The following ARHGAP24 variants were observed in gnomAD, a reference collection of about 807,000 sequenced individuals.
ARHGAP24 encodes Rho GTPase activating protein 24.
Under a neutral mutation model 76.4 loss-of-function variants are expected in ARHGAP24, and 50 were observed. The observed-to-expected ratio is 0.65, with a 90% CI of 0.52 to 0.83. The LOEUF (loss-of-function observed/expected upper bound fraction) is 0.83, where lower values mean the gene tolerates loss of function less well. Ranked by LOEUF, ARHGAP24 falls within the 40% of genes least tolerant of loss-of-function variation. ARHGAP24 has a pLI of 0.00. For synonymous variants in ARHGAP24, 345 were observed against 323.3 expected (o/e 1.07, Z -0.72); for missense variants, 930 against 914.2 (o/e 1.02, Z -0.22).
At chr4:85,657,443 T>G (rs1351183626) in intron 2 of ARHGAP24, among the ~76,000 whole-genome samples, 5 of 152,118 alleles carry the variant, frequency 3.3e-5, no homozygotes, top group African/African-American at 1.2e-4. Context: ...AGAGAAAAAT[T>G]TTCTTCCTCT....
At chr4:85,643,566 T>C (rs1394490850) in intron 2 of ARHGAP24, among the ~76,000 whole-genome samples, 10 of 152,050 alleles carry the variant, frequency 6.6e-5, no homozygotes, top group Non-Finnish European at 1.0e-4. Flanking sequence ...CCTTTTTTTG[T>C]GTTTTGTTCA....
chr4:85,931,990 CA>C (rs148282724), intron 4 of ARHGAP24, among the ~76,000 whole-genome samples: 4 of 148,810 alleles, frequency 2.7e-5, no homozygotes, highest in South Asian at 2.1e-4. Context: ...TAGTAACTAA[CA>C]AAAAAAAATA....
chr4:85,788,535 T>C (rs4693739), intron 3 of ARHGAP24, among the ~76,000 whole-genome samples: 47,901 of 152,062 alleles, frequency 0.32, 8,892 homozygotes, highest in East Asian at 0.62. Context: ...GTCTTGACCA[T>C]AGAGGTGAGA....
At chr4:85,554,257 G>A (rs1050362994) in intron 1 of ARHGAP24, among the ~76,000 whole-genome samples, 5 of 152,070 alleles carry the variant, frequency 3.3e-5, no homozygotes, top group East Asian at 1.9e-4. Flanking sequence ...ATTTTGACCT[G>A]GGAGACTCTG....
At chr4:85,995,774 G>C in intron 9 of ARHGAP24, 117 bp downstream of exon 9, 3 of 1,019,282 alleles carry the variant, frequency 2.9e-6, no homozygotes, top group South Asian at 1.4e-5. Flanking sequence ...ACACAAGTTT[G>C]CTCCATCATT....
chr4:85,961,181 G>T (rs1360590207), intron 5 of ARHGAP24, among the ~76,000 whole-genome samples: 1 of 151,890 alleles, frequency 6.6e-6, no homozygotes, highest in African/African-American at 2.4e-5. Flanking sequence ...GACACAACTG[G>T]ATTCTTTTAA....
At chr4:85,548,022 G>T (rs1298865274) in intron 1 of ARHGAP24, among the ~76,000 whole-genome samples, 1 of 151,746 alleles carries the variant, frequency 6.6e-6, no homozygotes, top group African/African-American at 2.4e-5. Context: ...ATGTATTCTT[G>T]TTTTATTCTA....
At chr4:85,991,027 A>C (rs1740288058) in intron 8 of ARHGAP24, 1 of 152,066 alleles carries the variant, frequency 6.6e-6, no homozygotes, top group Non-Finnish European at 1.5e-5. Flanking sequence ...TGTTTTAAGA[A>C]TATGTAAAGA....
intron 3 of ARHGAP24, among the ~76,000 whole-genome samples, chr4:85,882,570 G>A (rs1733320916): frequency 1.3e-5 from 2 of 152,214 alleles, no homozygotes; most frequent in African/African-American, 2.4e-5. Flanking sequence ...AGGAGCATGG[G>A]CACAATAAGC....
In ARHGAP24 at chr4:85,785,925, G is replaced by T. The variant is rs144700515; in HGVS notation, c.268+63953G>T. Among the ~76,000 whole-genome samples, 627 of 152,128 alleles carry T rather than the reference G, an allele frequency of 4.1e-3. 5 individuals are homozygous for T. The highest frequency in any genetic ancestry group is 6.8e-3 in the Non-Finnish European group (465 of 67,962). The stretch of plus-strand genomic sequence containing the variant: ...ACCATCATTTCTTATACCCAGTATG[G>T]GTTTTTGGAAGGCTGTTGTTAGTGT... On this transcript the variant is annotated intron_variant, in intron 3 of 9. Transcript: ENST00000395184.
intron 2 of ARHGAP24, among the ~76,000 whole-genome samples, chr4:85,620,467 C>T (rs896820439): frequency 6.6e-6 from 1 of 151,596 alleles, no homozygotes. Flanking sequence ...CTTTTATGAT[C>T]GTTTGTAGTT....
At chr4:85,711,314 A>T (rs1307587247) in intron 2 of ARHGAP24, among the ~76,000 whole-genome samples, 1 of 146,730 alleles carries the variant, frequency 6.8e-6, no homozygotes, top group Non-Finnish European at 1.5e-5. Flanking sequence ...TACCTGGGTG[A>T]CAAAAAAATC....
chr4:85,827,460 C>CTGTG (rs1729771381), intron 3 of ARHGAP24, among the ~76,000 whole-genome samples: 2 of 49,580 alleles, frequency 4.0e-5, no homozygotes, highest in African/African-American at 1.4e-4. Context: ...TGAAGTCTGC[C>CTGTG]CGTGTGTGTG....
intron 2 of ARHGAP24, among the ~76,000 whole-genome samples, chr4:85,623,854 T>C (rs1453849462): frequency 7.0e-6 from 1 of 143,390 alleles, no homozygotes; most frequent in Non-Finnish European, 1.5e-5. Flanking sequence ...TTTGAAGCAA[T>C]TGTGAATGGG....
intron 1 of ARHGAP24, among the ~76,000 whole-genome samples, chr4:85,554,452 G>C (rs1054618496): frequency 4.6e-5 from 7 of 152,100 alleles, no homozygotes; most frequent in African/African-American, 1.7e-4. Context: ...GTGAATTATA[G>C]ATTTGGTCTC....
At chr4:85,721,227 C>T (rs192455262) in intron 2 of ARHGAP24, among the ~76,000 whole-genome samples, 149 of 152,072 alleles carry the variant, frequency 9.8e-4, no homozygotes, top group Middle Eastern at 3.4e-3. Flanking sequence ...GAAACCCCAT[C>T]TCTACTGAAA....
chr4:85,814,431 G>A (rs1425075853), intron 3 of ARHGAP24, among the ~76,000 whole-genome samples: 1 of 152,214 alleles, frequency 6.6e-6, no homozygotes, highest in African/African-American at 2.4e-5. Flanking sequence ...TGGGGGTACA[G>A]TAATTGGGTA....
intron 2 of ARHGAP24, among the ~76,000 whole-genome samples, chr4:85,679,798 G>A (rs986418136): frequency 6.6e-6 from 1 of 152,080 alleles, no homozygotes; most frequent in Non-Finnish European, 1.5e-5. Flanking sequence ...ATTTTCCTCT[G>A]AGAGTCTCAA....
At chr4:85,666,816 C>T (rs535174567) in intron 2 of ARHGAP24, among the ~76,000 whole-genome samples, 4 of 152,282 alleles carry the variant, frequency 2.6e-5, no homozygotes, top group East Asian at 1.9e-4. Context: ...AGCAGATTTT[C>T]GTGAACCGCG....
Sources: allele counts gnomAD v4.1 joint callset (sites outside exome capture counted in the v4.1 genomes callset), GRCh38; gene constraint gnomAD v4.1.1; transcripts MANE v1.5; gene names NCBI Gene and HGNC (gene_info 2026-07-23, HGNC 2026-07-21).